EP300: variants seen among roughly 807,000 people sequenced by gnomAD.
EP300 encodes histone acetyltransferase p300.
A neutral mutation model predicts 264.0 loss-of-function variants in EP300; 31 were observed. That is an observed-to-expected ratio of 0.12 (90% CI 0.09 to 0.16). The LOEUF is 0.16. Ranked by LOEUF, EP300 falls within the 10% of genes least tolerant of loss-of-function variation. The pLI is 1.00. For synonymous variants in EP300, 1,340 were observed against 1,045.4 expected (o/e 1.28, Z -5.44); for missense variants, 2,766 against 3,052.9 (o/e 0.91, Z 2.21).
rs1030538827 is a variant in EP300, at chr22:41,174,139, CACTG to C, written c.4779+360_4779+363del. On this transcript the variant is annotated intron_variant, in intron 29 of 30. Transcript: ENST00000263253. Reference sequence around the variant, plus strand: ...AAAAGAAATAAGAAATGAATAAAAACACTGACTGTTCGCTGGGCGTGGTGGCTCA... The same window carrying C: ...AAAAGAAATAAGAAATGAATAAAAACACTGTTCGCTGGGCGTGGTGGCTCA... Among the ~76,000 whole-genome samples the C allele has an allele frequency of 5.8e-5, 8 of 138,366 alleles. No homozygotes were observed. The East Asian group carries it at 1.2e-3, about 20-fold the overall frequency. 90.8% of individuals were successfully genotyped at this position (138,366 alleles called of 152,430 possible).
chr22:41,148,958 A>G (rs2145735477), intron 12 of EP300, 80 bp from the exon 13 acceptor site: 2 of 1,595,478 alleles, frequency 1.3e-6, no homozygotes, highest in Non-Finnish European at 1.7e-6. Context: ...GCCTGACGTT[A>G]GGAGCATTTG....
At chr22:41,170,326 C>A in intron 26 of EP300, 80 bp from the exon 27 acceptor site, 2 of 1,382,380 alleles carry the variant, frequency 1.4e-6, no homozygotes, top group Non-Finnish European at 2.0e-6. Flanking sequence ...TCTATATCAA[C>A]TCCAACTTGT....
intron 3 of EP300, 165 bp downstream of exon 3, chr22:41,126,205 A>G: frequency 1.4e-6 from 1 of 690,764 alleles, no homozygotes; most frequent in Non-Finnish European, 2.4e-6. Context: ...CTTCCTTTCC[A>G]TTTCTCTGTT....
chr22:41,161,078 C>T (rs986810469), intron 20 of EP300, among the ~76,000 whole-genome samples: 7 of 152,192 alleles, frequency 4.6e-5, no homozygotes, highest in South Asian at 4.2e-4. Context: ...AGCTTCTCTT[C>T]GAAAAATTGG....
intron 8 of EP300, among the ~76,000 whole-genome samples, chr22:41,139,072 TC>T (rs2058967993): frequency 6.6e-6 from 1 of 151,984 alleles, no homozygotes; most frequent in South Asian, 2.1e-4. Flanking sequence ...TCCTGTCTCA[TC>T]CTCCCAAGTA....
chr22:41,178,290 G>A lies in EP300; in HGVS notation c.6579G>A (p.Gln2193=), dbSNP rs2145521343. The A allele has an allele frequency of 6.2e-7, 1 of 1,614,038 alleles. No individual in the cohort carries two copies. The highest frequency in any genetic ancestry group is 8.5e-7 in the Non-Finnish European group (1 of 1,179,986). Residue 2193 remains glutamine (Q), a synonymous_variant, in exon 31 of 31, where the codon CAG becomes CAA. Coordinates refer to ENST00000263253, the MANE Select transcript of EP300 (RefSeq NM_001429.4). ...GACAGCAAATGATGCAACAGCAGCA[G>A]CAACAGGGAGCAGGGCCAGGAATAG... ...LRRQQMMQQQ[Q]QQGAGPGIGP... is the part of the protein sequence containing the mutation.
At chr22:41,133,340 G>T (rs577028190) in intron 6 of EP300, among the ~76,000 whole-genome samples, 1 of 151,774 alleles carries the variant, frequency 6.6e-6, no homozygotes, top group Non-Finnish European at 1.5e-5. Flanking sequence ...TTTTTGGAAC[G>T]AAGTTTTGCC....
chr22:41,149,364 G>GTT (rs2059030063), intron 13 of EP300, among the ~76,000 whole-genome samples, 189 bp downstream of exon 13: 1 of 152,168 alleles, frequency 6.6e-6, no homozygotes, highest in Admixed American at 6.5e-5. Flanking sequence ...GGTGTTAATT[G>GTT]TTACAAAGTA....
At chr22:41,155,143 T>C in intron 17 of EP300, 30 bp downstream of exon 17, 1 of 1,448,354 alleles carries the variant, frequency 6.9e-7, no homozygotes, top group Non-Finnish European at 9.7e-7. Context: ...TTTGATTTTA[T>C]TTTTTAATTT....
chr22:41,122,157 CTT>C (rs71328774), intron 2 of EP300, among the ~76,000 whole-genome samples: 12 of 35,868 alleles, frequency 3.3e-4, no homozygotes, highest in East Asian at 1.7e-3. Flanking sequence ...TCTTCTTCTT[CTT>C]TTTTTTTTTT....
intron 1 of EP300, among the ~76,000 whole-genome samples, chr22:41,095,798 T>C (rs5751041): frequency 0.97 from 147,696 of 152,224 alleles, 71,817 homozygotes; most frequent in East Asian, 1. Context: ...GCTTGCAAAT[T>C]TCGTGATGTA....
chr22:41,134,898 T>TTTCTTTCTTTC, intron 6 of EP300, among the ~76,000 whole-genome samples: 2 of 151,764 alleles, frequency 1.3e-5, no homozygotes, highest in African/African-American at 4.9e-5. Flanking sequence ...AGCATTGCTT[T>TTTCTTTCTTTC]TTTCTTTCTT....
chr22:41,118,398 A>G (rs1283262454), intron 2 of EP300, among the ~76,000 whole-genome samples: 1 of 152,228 alleles, frequency 6.6e-6, no homozygotes, highest in East Asian at 1.9e-4. Flanking sequence ...AAACTTTTAA[A>G]TGTGGATCCT....
Position 41,092,606 on chromosome 22 carries a change from C to T in EP300, c.-399C>T, listed in dbSNP as rs774479834. 5 of 615,926 alleles carry T rather than the reference C, an allele frequency of 8.1e-6. No individual in the cohort carries two copies. The highest frequency in any genetic ancestry group is 7.5e-5 in the African/African-American group (4 of 53,000). The allele number at this position is 615,926 out of a possible 1,614,324, so 38.2% of individuals were successfully genotyped here. ...CTTGTGGCGATGAGAAGGAGGAGGA[C>T]AGCGCCGAGGAGGAAGAGGTTGATG... On this transcript the variant is annotated 5_prime_UTR_variant, in exon 1 of 31. Transcript: ENST00000263253.
chr22:41,169,965 A>G (rs932693141), intron 26 of EP300, among the ~76,000 whole-genome samples: 3 of 152,186 alleles, frequency 2.0e-5, no homozygotes, highest in Non-Finnish European at 4.4e-5. Flanking sequence ...TTCTGGAGAT[A>G]CTTCTTACCT....
At chr22:41,094,672 TAG>T (rs1425016999) in intron 1 of EP300, among the ~76,000 whole-genome samples, 4 of 152,218 alleles carry the variant, frequency 2.6e-5, no homozygotes, top group South Asian at 2.1e-4. Context: ...AGATCATCTT[TAG>T]AGACTTAATC....
intron 1 of EP300, among the ~76,000 whole-genome samples, chr22:41,102,725 G>A (rs957373934): frequency 3.3e-5 from 5 of 152,056 alleles, no homozygotes; most frequent in African/African-American, 9.7e-5. Context: ...GGAAAGAAGT[G>A]GAAAGATTTG....
chr22:41,093,894 G>T (rs1163662395), intron 1 of EP300, among the ~76,000 whole-genome samples: 1 of 152,224 alleles, frequency 6.6e-6, no homozygotes, highest in African/African-American at 2.4e-5. Flanking sequence ...AGTTGAAAGA[G>T]TTCCAATCAT....
Position 41,150,138 on chromosome 22 carries a change from CACAGCAGCGTCTGTTCCTACCCCA to C in EP300, c.2764_2787del (p.Ala922_Ala929del). ...AGCAGCAGCCTCGCTCACAGCAGAG[CACAGCAGCGTCTGTTCCTACCCCA>C]ACAGCACCGCTGCTTCCTCCGCAGC... On this transcript the variant is annotated inframe_deletion, in exon 14 of 31. Coordinates refer to ENST00000263253, the MANE Select transcript of EP300 (RefSeq NM_001429.4). 2 of 1,612,642 alleles carry C rather than the reference CACAGCAGCGTCTGTTCCTACCCCA, an allele frequency of 1.2e-6. No individual in the cohort carries two copies. Among genetic ancestry groups the C allele is most frequent in the Non-Finnish European group, 1.7e-6 (2 of 1,179,958 alleles).
Sources: gnomAD v4.1 joint callset for allele counts (sites outside exome capture counted in the v4.1 genomes callset) on GRCh38, gnomAD v4.1.1 for gene constraint, MANE v1.5 for transcripts, NCBI Gene and HGNC (gene_info 2026-07-23, HGNC 2026-07-21) for gene names.